The following MTMR2 variants were observed in gnomAD, a reference collection of about 807,000 sequenced individuals.
MTMR2 encodes the protein phosphatidylinositol-3,5-bisphosphate 3-phosphatase MTMR2.
Under a neutral mutation model 86.9 loss-of-function variants are expected in MTMR2, and 55 were observed. The observed-to-expected ratio is 0.63, with a 90% CI of 0.51 to 0.79. MTMR2 has a LOEUF of 0.79. Ranked by LOEUF, MTMR2 falls within the 30% of genes least tolerant of loss-of-function variation. The pLI, the probability that MTMR2 is intolerant of heterozygous loss-of-function variation, is 0.00. For synonymous variants in MTMR2, 241 were observed against 266.8 expected (o/e 0.90, Z 0.94); for missense variants, 659 against 772.3 (o/e 0.85, Z 1.74).
At chr11:95,838,507 C>A (rs558740437) in intron 12 of MTMR2, among the ~76,000 whole-genome samples, 1 of 152,128 alleles carries the variant, frequency 6.6e-6, no homozygotes, top group South Asian at 2.1e-4. Flanking sequence ...CCACAAACAA[C>A]ATTAAGATTC....
At chr11:95,912,141 G>A (rs1933592133) in intron 1 of MTMR2, among the ~76,000 whole-genome samples, 1 of 149,070 alleles carries the variant, frequency 6.7e-6, no homozygotes, top group African/African-American at 2.5e-5. Flanking sequence ...GAAAGGTAGA[G>A]CATTCAACAT....
intron 11 of MTMR2, among the ~76,000 whole-genome samples, chr11:95,842,221 T>A (rs1863578235): frequency 6.6e-6 from 1 of 152,244 alleles, no homozygotes; most frequent in Non-Finnish European, 1.5e-5. Flanking sequence ...CAAGTGCTTA[T>A]AATATGAATT....
chr11:95,920,650 C>A (rs1429695588), intron 1 of MTMR2, among the ~76,000 whole-genome samples: 1 of 151,970 alleles, frequency 6.6e-6, no homozygotes, highest in Non-Finnish European at 1.5e-5. Flanking sequence ...GAAATGACTA[C>A]AGATACTTAG....
intron 1 of MTMR2, among the ~76,000 whole-genome samples, chr11:95,895,127 T>TA (rs1865838101): frequency 7.1e-6 from 1 of 140,276 alleles, no homozygotes; most frequent in South Asian, 2.3e-4. Context: ...AGCATATCAA[T>TA]AATACCATGA....
intron 2 of MTMR2, chr11:95,882,568 A>G (rs990220547): frequency 6.6e-5 from 10 of 152,282 alleles, no homozygotes; most frequent in Middle Eastern, 3.4e-3. Context: ...GGAAATATGC[A>G]TAACACAGAT....
chr11:95,881,751 C>G (rs532712790), intron 2 of MTMR2, among the ~76,000 whole-genome samples: 10 of 152,258 alleles, frequency 6.6e-5, no homozygotes, highest in African/African-American at 2.4e-4. Context: ...ATTTCCCATA[C>G]AGACAATCCT....
chr11:95,840,252 A>G (rs1183119693), intron 12 of MTMR2: 2 of 152,152 alleles, frequency 1.3e-5, no homozygotes, highest in Non-Finnish European at 2.9e-5. Context: ...ACACACAACC[A>G]TCAACAATAC....
chr11:95,853,039 T>C (rs1864079432), intron 7 of MTMR2, among the ~76,000 whole-genome samples: 1 of 149,112 alleles, frequency 6.7e-6, no homozygotes, highest in South Asian at 2.1e-4. Context: ...TAAAAATTTA[T>C]ATATAATATA....
At chr11:95,923,668 G>C in intron 1 of MTMR2, 2 of 1,424,046 alleles carry the variant, frequency 1.4e-6, no homozygotes, top group East Asian at 2.5e-5. Flanking sequence ...TAGAGGAATC[G>C]ATAAAGAAGC....
intron 2 of MTMR2, among the ~76,000 whole-genome samples, chr11:95,880,045 CTT>C (rs886088770): frequency 6.6e-6 from 1 of 151,482 alleles, no homozygotes; most frequent in Non-Finnish European, 1.5e-5. Flanking sequence ...GAATTTTTCT[CTT>C]ATATTTTATA....
chr11:95,880,525 T>C (rs1865286402), intron 2 of MTMR2, among the ~76,000 whole-genome samples: 1 of 152,084 alleles, frequency 6.6e-6, no homozygotes, highest in Non-Finnish European at 1.5e-5. Flanking sequence ...TATTTCTCTC[T>C]ACTGTGGCTG....
At chr11:95,863,670 GC>G (rs1864502093) in intron 3 of MTMR2, among the ~76,000 whole-genome samples, 1 of 152,044 alleles carries the variant, frequency 6.6e-6, no homozygotes, top group Admixed American at 6.6e-5. Context: ...AGAAAACTCA[GC>G]CTTATTATCC....
At position 95,923,955 on chromosome 11, in the gene MTMR2, C is replaced by A. The variant is rs1421134617; in HGVS notation, c.-1G>T. On this transcript the variant is annotated 5_prime_UTR_variant, in exon 1 of 15. Transcript: ENST00000346299. ...TCTCGCAGCTCGAGCTCTTCTCCAT[C>A]GCGCGGCAGGGGCAGCACAGGGAAA... 6.4e-7 allele frequency: 1 copy of A among 1,558,158 alleles called. No homozygotes were observed. Among genetic ancestry groups the A allele is most frequent in the East Asian group, 2.4e-5 (1 of 41,378 alleles).
At chr11:95,910,753 C>T (rs1046607893) in intron 1 of MTMR2, among the ~76,000 whole-genome samples, 2 of 152,060 alleles carry the variant, frequency 1.3e-5, no homozygotes, top group Admixed American at 1.3e-4. Context: ...TTAAAGCATG[C>T]CTTCTATATT....
Position 95,850,607 on chromosome 11 carries a change from C to T in MTMR2, c.797G>A (p.Arg266His), listed in dbSNP as rs775237206. 12 of 1,613,864 alleles carry T rather than the reference C, an allele frequency of 7.4e-6. No homozygotes were observed. The highest frequency in any genetic ancestry group is 3.3e-5 in the Admixed American group (2 of 60,000). ...KRVASFRSRG[R>H]IPVLSWIHPE... ...TCCAAACTTCCTACTTACTGGGATA[C>T]GGCCTCTTGATCTGAAGGATGCCAC... Residue 266 changes from arginine to histidine, a missense_variant, in exon 8 of 15, where the codon CGT becomes CAT. Physicochemically the swap from Arg to His is conservative, Grantham distance 29 (BLOSUM62 0). Around this residue, in one of 3 missense-constraint regions of MTMR2, gnomAD observed 387 missense variants for 526.3 expected, o/e 0.74. Coordinates refer to ENST00000346299, the MANE Select transcript of MTMR2 (RefSeq NM_016156.6).
intron 1 of MTMR2, among the ~76,000 whole-genome samples, chr11:95,913,932 C>T (rs1219676171): frequency 6.6e-6 from 1 of 152,106 alleles, no homozygotes; most frequent in African/African-American, 2.4e-5. Context: ...TTGCATATAA[C>T]ATGAATTCTT....
chr11:95,908,919 TAA>T (rs1157307858), intron 1 of MTMR2, among the ~76,000 whole-genome samples: 1 of 152,138 alleles, frequency 6.6e-6, no homozygotes, highest in Non-Finnish European at 1.5e-5. Context: ...TATGAAATAA[TAA>T]GACTTAGGTT....
chr11:95,865,924 T>C (rs1007731559), intron 2 of MTMR2, among the ~76,000 whole-genome samples: 1 of 152,186 alleles, frequency 6.6e-6, no homozygotes, highest in African/African-American at 2.4e-5. Flanking sequence ...AAATTGTACA[T>C]GTTTTTGCAC....
chr11:95,836,309 T>C lies in MTMR2; in HGVS notation c.1609A>G (p.Thr537Ala), dbSNP rs1053053925. Residue 537 changes from threonine to alanine, a missense_variant, in exon 14 of 15, where the codon ACT becomes GCT. By Grantham distance (58) the Thr-to-Ala change is moderately conservative (BLOSUM62 0). This residue lies in a region of MTMR2 where 193 missense variants were observed against 191.6 expected (regional missense o/e 1.01). Coordinates refer to ENST00000346299, the MANE Select transcript of MTMR2 (RefSeq NM_016156.6). ...TTTATGTAAGACCACAGTGACACAG[T>C]CCTTTTAGGAAGATTCTGTAGGCAG... is the stretch of plus-strand genomic sequence containing the variant. The part of the protein sequence containing the change: ...QRGKENLPKR[T>A]VSLWSYINSQ... 4 of 1,612,642 alleles carry C rather than the reference T, an allele frequency of 2.5e-6. No homozygotes were observed. Among genetic ancestry groups the C allele is most frequent in the Admixed American group, 3.3e-5 (2 of 59,906 alleles).
Sources: gnomAD v4.1 joint callset for allele counts (sites outside exome capture counted in the v4.1 genomes callset) on GRCh38, gnomAD v4.1.1 for gene constraint, gnomAD v4.1.1 regional missense constraint, MANE v1.5 for transcripts, NCBI Gene and HGNC (gene_info 2026-07-23, HGNC 2026-07-21) for gene names.